Variants in TNRC6B observed in about 807,000 individuals in gnomAD.
TNRC6B encodes trinucleotide repeat-containing gene 6B protein.
In TNRC6B, 52 loss-of-function variants were observed where a neutral mutation model predicts 203.6. The observed-to-expected ratio is 0.26, with a 90% CI of 0.20 to 0.32. TNRC6B has a LOEUF of 0.32. Among genes scored for constraint, TNRC6B ranks in the 10% least tolerant of loss-of-function variants. The pLI is 1.00. For synonymous variants in TNRC6B, 838 were observed against 845.7 expected, an observed-to-expected ratio of 0.99 and a Z score of 0.16; for missense variants, 1,923 against 2,286.2, an observed-to-expected ratio of 0.84 and a Z score of 3.24.
intron 1 of TNRC6B, among the ~76,000 whole-genome samples, chr22:40,201,678 G>A (rs892989895): frequency 6.6e-6 from 1 of 151,854 alleles, no homozygotes; most frequent in East Asian, 1.9e-4. Context: ...TCCCACCTCG[G>A]CCTCTTGAGT....
intron 1 of TNRC6B, among the ~76,000 whole-genome samples, chr22:40,210,278 G>C (rs184196765): frequency 6.6e-6 from 1 of 152,178 alleles, no homozygotes; most frequent in African/African-American, 2.4e-5. Flanking sequence ...AGATGAGACA[G>C]ACAGTGAGTA....
intron 12 of TNRC6B, among the ~76,000 whole-genome samples, chr22:40,298,458 G>A (rs185911034): frequency 1.7e-3 from 253 of 152,308 alleles, no homozygotes; most frequent in Middle Eastern, 3.4e-3. Flanking sequence ...AAGATGAGAT[G>A]CAAGGGAACT....
chr22:40,169,657 C>A (rs1252580270), intron 4 of TNRC6B, among the ~76,000 whole-genome samples: 1 of 152,112 alleles, frequency 6.6e-6, no homozygotes, highest in Non-Finnish European at 1.5e-5. Flanking sequence ...TTCTCTTGAT[C>A]CTTGGTAGTG....
chr22:40,099,048 G>A (rs1254285505), intron 1 of TNRC6B, among the ~76,000 whole-genome samples: 1 of 152,008 alleles, frequency 6.6e-6, no homozygotes, highest in Non-Finnish European at 1.5e-5. Context: ...TCAGCAGTTC[G>A]AGACCAGCCT....
At chr22:40,281,334 C>T in intron 11 of TNRC6B, 45 bp downstream of exon 11, 1 of 1,471,372 alleles carries the variant, frequency 6.8e-7, no homozygotes, top group Non-Finnish European at 9.1e-7. Flanking sequence ...TATGGCCTCG[C>T]CTTGGTCCTG....
rs1354155520 is a variant in TNRC6B, at chr22:40,325,324, C to T, written c.*2083C>T. The T allele has an allele frequency of 6.6e-6, 1 of 152,412 alleles. No individual in the cohort carries two copies. The highest frequency in any genetic ancestry group is 1.5e-5 in the Non-Finnish European group (1 of 67,992). 9.4% of individuals were successfully genotyped at this position (152,412 alleles called of 1,614,324 possible). On this transcript the variant is annotated 3_prime_UTR_variant, in exon 23 of 23. Transcript: ENST00000454349. The stretch of plus-strand genomic sequence containing the variant: ...GGTGGGTGGGTGTGTATAGGAAAAG[C>T]CTAAAACAAGTTATTTGCATTTCAG...
chr22:40,291,514 C>T (rs1461559669), intron 12 of TNRC6B, among the ~76,000 whole-genome samples: 2 of 152,172 alleles, frequency 1.3e-5, no homozygotes, highest in African/African-American at 4.8e-5. Flanking sequence ...AGACACTATT[C>T]ATATACAGGG....
At chr22:40,155,846 T>C (rs2899334) in intron 3 of TNRC6B, among the ~76,000 whole-genome samples, 103,235 of 152,140 alleles carry the variant, frequency 0.68, 36,798 homozygotes, top group African/African-American at 0.9. Flanking sequence ...TTCTAGTAGG[T>C]TGTCTTTGTC....
chr22:40,277,041 T>G lies in TNRC6B; in HGVS notation c.3142-36T>G, dbSNP rs779993252. ...TAAAACTCAGGAGGCTGAAATAAAT[T>G]ATTTGGTTCTGAGGTTCCGTGTTTC... On this transcript the variant is annotated intron_variant, in intron 7 of 22. Coordinates refer to ENST00000454349, the MANE Select transcript of TNRC6B (RefSeq NM_001162501.2). 2.4e-5 allele frequency: 37 copies of G among 1,519,916 alleles called. No individual in the cohort carries two copies. The Admixed American group carries it at 6.0e-4, about 25-fold the overall frequency. The allele number at this position is 1,519,916 out of a possible 1,614,324, so 94.2% of individuals were successfully genotyped here.
At chr22:40,140,669 G>A (rs899836727) in intron 3 of TNRC6B, among the ~76,000 whole-genome samples, 1 of 152,016 alleles carries the variant, frequency 6.6e-6, no homozygotes, top group Non-Finnish European at 1.5e-5. Context: ...TTGAGATGGG[G>A]TGTTGCTCTG....
chr22:40,312,823 A>T, intron 18 of TNRC6B, 79 bp from the exon 19 acceptor site: 1 of 1,496,950 alleles, frequency 6.7e-7, no homozygotes, highest in Non-Finnish European at 9.2e-7. Flanking sequence ...ATTGAAGTTT[A>T]AACAAAATAC....
In TNRC6B at chr22:40,126,581, T is replaced by TTA. The variant is rs1491230267; in HGVS notation, c.45+720_45+721insAT. 9.2e-4 allele frequency among the ~76,000 whole-genome samples: 55 copies of TTA among 60,008 alleles called. 1 individual carries two copies. The African/African-American group carries it at 0.011, about 12-fold the overall frequency. The allele number at this position is 60,008 out of a possible 152,430, so 39.4% of individuals were successfully genotyped here. On this transcript the variant is annotated intron_variant, in intron 3 of 23. Coordinates refer to the TNRC6B transcript ENST00000301923. ...TGTTGCTACAAAGGACGTTATTTAA[T>TTA]TTTTTTTTTTTTTTTTTTTTTTTTT...
chr22:40,143,401 C>T (rs1350127034), intron 3 of TNRC6B, among the ~76,000 whole-genome samples: 2 of 152,070 alleles, frequency 1.3e-5, no homozygotes, highest in African/African-American at 4.8e-5. Context: ...CCACTGCACT[C>T]CAGCCTGGGT....
chr22:40,227,108 T>TATC (rs1469711148), intron 1 of TNRC6B, among the ~76,000 whole-genome samples: 3 of 147,624 alleles, frequency 2.0e-5, no homozygotes, highest in African/African-American at 7.4e-5. Context: ...TTATTATTAT[T>TATC]ATTATTATTT....
At chr22:40,203,857 G>A (rs1002316381) in intron 1 of TNRC6B, among the ~76,000 whole-genome samples, 1 of 152,234 alleles carries the variant, frequency 6.6e-6, no homozygotes, top group Admixed American at 6.5e-5. Flanking sequence ...CTGTTAGTCA[G>A]AGAGGGAGGA....
intron 4 of TNRC6B, among the ~76,000 whole-genome samples, chr22:40,164,408 G>A (rs1337624941): frequency 6.8e-6 from 1 of 147,024 alleles, no homozygotes; most frequent in East Asian, 2.0e-4. Context: ...AAAAAAAAAA[G>A]GGCATTGTTA....
intron 1 of TNRC6B, among the ~76,000 whole-genome samples, chr22:40,240,960 TAA>T (rs776457254): frequency 6.6e-6 from 1 of 152,106 alleles, no homozygotes; most frequent in Non-Finnish European, 1.5e-5. Flanking sequence ...ATAAATCAGG[TAA>T]TAATGTTTTC....
intron 1 of TNRC6B, among the ~76,000 whole-genome samples, chr22:40,071,802 A>G (rs553539004): frequency 2.0e-5 from 3 of 152,306 alleles, no homozygotes; most frequent in South Asian, 4.1e-4. Flanking sequence ...TGGCAGTTAT[A>G]GCTTTTATTT....
intron 1 of TNRC6B, among the ~76,000 whole-genome samples, chr22:40,215,611 T>C (rs1198331827): frequency 6.6e-6 from 1 of 152,182 alleles, no homozygotes; most frequent in Admixed American, 6.5e-5. Flanking sequence ...CTCAGGGGTG[T>C]TGACACTGGC....
Sources: gnomAD v4.1 joint callset for allele counts (sites outside exome capture counted in the v4.1 genomes callset) on GRCh38, gnomAD v4.1.1 for gene constraint, MANE v1.5 for transcripts, NCBI Gene and HGNC (gene_info 2026-07-23, HGNC 2026-07-21) for gene names.